DENND1B: variants seen among roughly 807,000 people sequenced by gnomAD.
DENND1B encodes DENN domain containing 1B, also known as DENN domain-containing protein 1B.
In DENND1B, 59 loss-of-function variants were observed where a neutral mutation model predicts 90.1. The observed-to-expected ratio is 0.65, with a 90% confidence interval of 0.53 to 0.81. The LOEUF (loss-of-function observed/expected upper bound fraction) is 0.81, where lower values mean the gene tolerates loss of function less well. Among genes scored for constraint, DENND1B ranks in the 40% least tolerant of loss-of-function variants. DENND1B has a pLI of 0.00. For synonymous variants in DENND1B, 337 were observed against 324.6 expected, an observed-to-expected ratio of 1.04 and a Z score of -0.41; for missense variants, 862 against 912.6, an observed-to-expected ratio of 0.94 and a Z score of 0.71.
At chr1:197,741,530 G>C (rs1260135385) in intron 2 of DENND1B, among the ~76,000 whole-genome samples, 1 of 152,058 alleles carries the variant, frequency 6.6e-6, no homozygotes, top group Non-Finnish European at 1.5e-5. Context: ...ACAATCGTTT[G>C]AACCTAATTA....
intron 5 of DENND1B, among the ~76,000 whole-genome samples, chr1:197,668,863 AT>A (rs71569514): frequency 0.17 from 25,240 of 151,886 alleles, 2,593 homozygotes; most frequent in Middle Eastern, 0.32. Flanking sequence ...AGCTTATACC[AT>A]TTTTTAGTCC....
chr1:197,677,939 G>C (rs1656262085), intron 3 of DENND1B, among the ~76,000 whole-genome samples: 1 of 152,144 alleles, frequency 6.6e-6, no homozygotes, highest in Non-Finnish European at 1.5e-5. Context: ...TGAGCTTCCA[G>C]AGTTCAGCAC....
At chr1:197,752,455 CA>C (rs1254597164) in intron 2 of DENND1B, among the ~76,000 whole-genome samples, 1 of 151,874 alleles carries the variant, frequency 6.6e-6, no homozygotes, top group Non-Finnish European at 1.5e-5. Context: ...TGAATTCTAT[CA>C]AACGTTTAAA....
At chr1:197,734,717 G>A in intron 2 of DENND1B, 1 of 984,214 alleles carries the variant, frequency 1.0e-6, no homozygotes, top group Non-Finnish European at 1.2e-6. Flanking sequence ...ACAGGATTCA[G>A]AATTAAAGAA....
chr1:197,561,850 C>A lies in DENND1B; in HGVS notation c.1150-8738G>T, dbSNP rs115533747. Among the ~76,000 whole-genome samples the A allele has an allele frequency of 1.7e-4, 26 of 151,946 alleles. 1 individual carries two copies. Among genetic ancestry groups the A allele is most frequent in the African/African-American group, 6.3e-4 (26 of 41,508 alleles). ...TCAAATCCTTCAGAATATCTATTGG[C>A]TTTATTTATAAAATAAACCCATATT... On this transcript the variant is annotated intron_variant, in intron 15 of 22. Coordinates refer to ENST00000620048, the MANE Select transcript of DENND1B (RefSeq NM_001195215.2).
intron 2 of DENND1B, among the ~76,000 whole-genome samples, chr1:197,770,799 AATAT>A (rs372269365): frequency 2.9e-5 from 4 of 137,304 alleles, no homozygotes; most frequent in East Asian, 4.0e-4. Context: ...TATATCTATA[AATAT>A]ATATATAAAT....
At chr1:197,551,369 C>A (rs1044417785) in intron 16 of DENND1B, among the ~76,000 whole-genome samples, 1 of 152,096 alleles carries the variant, frequency 6.6e-6, no homozygotes, top group African/African-American at 2.4e-5. Context: ...TAAGTACTGG[C>A]TCTCTCAAAT....
At chr1:197,630,052 A>G (rs905324007) in intron 10 of DENND1B, among the ~76,000 whole-genome samples, 2 of 152,072 alleles carry the variant, frequency 1.3e-5, no homozygotes, top group East Asian at 1.9e-4. Context: ...CTGACAACAA[A>G]TGCTGATGAA....
At chr1:197,706,124 T>G (rs1167686236) in intron 3 of DENND1B, among the ~76,000 whole-genome samples, 1 of 152,182 alleles carries the variant, frequency 6.6e-6, no homozygotes, top group Admixed American at 6.5e-5. Context: ...CTTTCATGTT[T>G]GCAAATGGTG....
chr1:197,740,095 G>A (rs1663073796), intron 2 of DENND1B, among the ~76,000 whole-genome samples: 1 of 152,198 alleles, frequency 6.6e-6, no homozygotes, highest in African/African-American at 2.4e-5. Flanking sequence ...AGGAAGGAGA[G>A]TGCGATTTTA....
the DENND1B span, among the ~76,000 whole-genome samples, chr1:197,781,184 T>G: frequency 1.3e-5 from 2 of 152,202 alleles, no homozygotes. Flanking sequence ...CAGTATAAAT[T>G]AACTCGACTA....
chr1:197,513,100 C>A, intron 20 of DENND1B, 147 bp from the exon 21 acceptor site: 3 of 595,892 alleles, frequency 5.0e-6, no homozygotes, highest in East Asian at 3.0e-5. Flanking sequence ...AATAACTTGA[C>A]AAACTGGGAC....
intron 3 of DENND1B, among the ~76,000 whole-genome samples, chr1:197,706,460 C>T (rs1257486145): frequency 6.6e-6 from 1 of 152,154 alleles, no homozygotes. Flanking sequence ...AGCTTCGGCA[C>T]AGCCAAAGGA....
At chr1:197,563,246 C>T (rs1672326264) in intron 15 of DENND1B, among the ~76,000 whole-genome samples, 1 of 151,940 alleles carries the variant, frequency 6.6e-6, no homozygotes, top group Admixed American at 6.6e-5. Context: ...AGATATCATC[C>T]ACGACATTCA....
chr1:197,623,279 A>G (rs1004098519), intron 10 of DENND1B, among the ~76,000 whole-genome samples: 13 of 151,682 alleles, frequency 8.6e-5, no homozygotes, highest in African/African-American at 1.9e-4. Context: ...ATAAATAACT[A>G]TAAGTATAAA....
chr1:197,588,931 T>C (rs1674947782), intron 14 of DENND1B, among the ~76,000 whole-genome samples: 1 of 152,116 alleles, frequency 6.6e-6, no homozygotes, highest in African/African-American at 2.4e-5. Context: ...ATTATTTTAT[T>C]ACTTTATCCT....
At chr1:197,570,290 A>G (rs1013212223) in intron 15 of DENND1B, among the ~76,000 whole-genome samples, 2 of 152,020 alleles carry the variant, frequency 1.3e-5, no homozygotes, top group African/African-American at 4.8e-5. Context: ...CTTATGTGAC[A>G]TAGGAATTTA....
rs191930414 is a variant in DENND1B at position 197,602,239 on chromosome 1, A to G, written c.921+4834T>C. Among the ~76,000 whole-genome samples, 20 of 151,716 alleles carry G rather than the reference A, an allele frequency of 1.3e-4. No homozygotes were observed. The East Asian group carries it at 3.7e-3, about 28-fold the overall frequency. ...GCAAGTTTCTATTACAAAAGATAAA[A>G]GAAGTGTAATTATATTTCCTTTCAG... On this transcript the variant is annotated intron_variant, in intron 13 of 22. Transcript: ENST00000620048.
At chr1:197,544,840 GGAAGAAGAGGAAGAAGAGGAAGGA>G in intron 18 of DENND1B, among the ~76,000 whole-genome samples, 1 of 142,470 alleles carries the variant, frequency 7.0e-6, no homozygotes, top group Non-Finnish European at 1.5e-5. Context: ...AGGAAGAGGA[GGAAGAAGAGGAAGAAGAGGAAGGA>G]GGAGAAGGAG....
Sources: gnomAD v4.1 joint callset for allele counts (sites outside exome capture counted in the v4.1 genomes callset) on GRCh38, gnomAD v4.1.1 for gene constraint, MANE v1.5 for transcripts, NCBI Gene and HGNC (gene_info 2026-07-23, HGNC 2026-07-21) for gene names.